Variants in L3MBTL4 observed in about 807,000 individuals in gnomAD.
L3MBTL4 encodes the protein L3MBTL histone methyl-lysine binding protein 4, also known as lethal(3)malignant brain tumor-like protein 4.
Under a neutral mutation model 84.5 loss-of-function variants are expected in L3MBTL4, and 70 were observed. That is an observed-to-expected ratio of 0.83 (90% CI 0.68 to 1.01). The LOEUF is 1.01. L3MBTL4 is among the 50% of genes least tolerant of loss of function. The pLI, the probability that L3MBTL4 is intolerant of heterozygous loss-of-function variation, is 0.00. For synonymous variants in L3MBTL4, 274 were observed against 259.8 expected (o/e 1.05, Z -0.52); for missense variants, 715 against 754.8 (o/e 0.95, Z 0.62).
chr18:6,275,503 T>G (rs1468549980), intron 4 of L3MBTL4, among the ~76,000 whole-genome samples: 1 of 151,540 alleles, frequency 6.6e-6, no homozygotes, highest in Non-Finnish European at 1.5e-5. Context: ...AGTGGGAGGG[T>G]TTGCCTCGGG....
chr18:6,383,918 G>A (rs1442235078), intron 1 of L3MBTL4, among the ~76,000 whole-genome samples: 1 of 152,170 alleles, frequency 6.6e-6, no homozygotes, highest in Non-Finnish European at 1.5e-5. Context: ...AGTTTTTAAA[G>A]ATATTACCAA....
rs34580980 is a variant in L3MBTL4, at chr18:6,038,251, CTTTTTT to C, written c.1444+42624_1444+42629del. 6.1e-5 allele frequency among the ~76,000 whole-genome samples: 6 copies of C among 97,850 alleles called. No homozygotes were observed. In the Admixed American group the frequency reaches 7.6e-4, roughly 12 times the overall value. 64.2% of individuals were successfully genotyped at this position (97,850 alleles called of 152,430 possible). On this transcript the variant is annotated intron_variant, in intron 16 of 18. Transcript: ENST00000317931. ...GGATACTAGAAATCCATTTCTGGAT[CTTTTTT>C]TTTTTTTTTTTTTTGAGACAGAGTC...
At chr18:6,387,957 A>G (rs551358867) in intron 1 of L3MBTL4, among the ~76,000 whole-genome samples, 116 of 152,344 alleles carry the variant, frequency 7.6e-4, no homozygotes, top group African/African-American at 2.6e-3. Context: ...AGAGGTATAG[A>G]CACACTATCT....
chr18:6,052,921 G>A (rs750936096), intron 16 of L3MBTL4, among the ~76,000 whole-genome samples: 12 of 152,228 alleles, frequency 7.9e-5, no homozygotes, highest in Non-Finnish European at 1.6e-4. Flanking sequence ...GTGCACACTT[G>A]TTGGCAAGGC....
intron 1 of L3MBTL4, among the ~76,000 whole-genome samples, chr18:6,405,329 T>C (rs73938425): frequency 1.3e-5 from 2 of 152,304 alleles, no homozygotes; most frequent in African/African-American, 2.4e-5. Context: ...ACATGGTCTC[T>C]GGAGGGAGCG....
chr18:6,183,203 G>A (rs1000760407), intron 12 of L3MBTL4, among the ~76,000 whole-genome samples: 1 of 152,212 alleles, frequency 6.6e-6, no homozygotes, highest in African/African-American at 2.4e-5. Flanking sequence ...AGGCATACCA[G>A]CCCTACTTGG....
At chr18:6,095,704 A>G (rs1157241042) in intron 14 of L3MBTL4, among the ~76,000 whole-genome samples, 2 of 152,158 alleles carry the variant, frequency 1.3e-5, no homozygotes, top group African/African-American at 4.8e-5. Flanking sequence ...AAACCATAGC[A>G]CAGTCCTTGT....
intron 16 of L3MBTL4, among the ~76,000 whole-genome samples, chr18:6,002,711 A>G (rs1389358299): frequency 6.6e-6 from 1 of 152,072 alleles, no homozygotes; most frequent in African/African-American, 2.4e-5. Context: ...GAACTGAAAA[A>G]GGAATTTCAA....
At chr18:6,269,645 T>A (rs949164689) in intron 4 of L3MBTL4, among the ~76,000 whole-genome samples, 3 of 152,198 alleles carry the variant, frequency 2.0e-5, no homozygotes, top group African/African-American at 4.8e-5. Context: ...TATCTAAATA[T>A]CCAACAATAG....
At chr18:6,035,828 C>T (rs933520821) in intron 16 of L3MBTL4, among the ~76,000 whole-genome samples, 17 of 152,008 alleles carry the variant, frequency 1.1e-4, no homozygotes, top group African/African-American at 3.6e-4. Flanking sequence ...TAAATGCCCA[C>T]AAGAGAAAGC....
intron 10 of L3MBTL4, among the ~76,000 whole-genome samples, chr18:6,218,584 T>C (rs2046421489): frequency 6.6e-6 from 1 of 152,156 alleles, no homozygotes; most frequent in Non-Finnish European, 1.5e-5. Context: ...CCCCTTTTTG[T>C]GAAAAACAGG....
intron 17 of L3MBTL4, among the ~76,000 whole-genome samples, chr18:5,968,468 T>C (rs1440745791): frequency 6.6e-6 from 1 of 151,966 alleles, no homozygotes; most frequent in Non-Finnish European, 1.5e-5. Context: ...GAGGCTGAGG[T>C]GGGAGAACCG....
At chr18:5,972,517 G>A (rs577724377) in intron 16 of L3MBTL4, among the ~76,000 whole-genome samples, 5 of 152,264 alleles carry the variant, frequency 3.3e-5, no homozygotes, top group Admixed American at 6.5e-5. Flanking sequence ...CTTTAACTGC[G>A]ATTTGCAAAC....
intron 12 of L3MBTL4, among the ~76,000 whole-genome samples, chr18:6,172,806 A>G (rs1487084327): frequency 6.6e-6 from 1 of 152,234 alleles, no homozygotes; most frequent in Admixed American, 6.5e-5. Context: ...TTTGAAAATC[A>G]TATTTGAATA....
intron 14 of L3MBTL4, among the ~76,000 whole-genome samples, chr18:6,114,320 C>T (rs9951861): frequency 0.3 from 45,930 of 152,016 alleles, 7,618 homozygotes; most frequent in East Asian, 0.57. Flanking sequence ...CCACAGTGAC[C>T]ATCACTTCCT....
chr18:6,195,121 G>C (rs1168893335), intron 12 of L3MBTL4, among the ~76,000 whole-genome samples: 1 of 152,204 alleles, frequency 6.6e-6, no homozygotes, highest in Admixed American at 6.5e-5. Context: ...AGGAGGTAAT[G>C]ATCATGGATG....
At chr18:6,308,516 A>G (rs1599575031) in intron 3 of L3MBTL4, among the ~76,000 whole-genome samples, 1 of 152,352 alleles carries the variant, frequency 6.6e-6, no homozygotes, top group East Asian at 1.9e-4. Context: ...ATTGTGTATA[A>G]CCATAAAAAT....
At chr18:6,331,270 C>T (rs1568504250) in intron 1 of L3MBTL4, among the ~76,000 whole-genome samples, 1 of 152,128 alleles carries the variant, frequency 6.6e-6, no homozygotes, top group Non-Finnish European at 1.5e-5. Context: ...CACTCACTGG[C>T]TTAGACAGTA....
intron 1 of L3MBTL4, among the ~76,000 whole-genome samples, chr18:6,348,160 G>GA (rs983042668): frequency 3.4e-4 from 51 of 150,268 alleles, no homozygotes; most frequent in African/African-American, 1.0e-3. Flanking sequence ...CAAAGTAAAT[G>GA]AAAAAAATAC....
Sources: allele counts gnomAD v4.1 joint callset (sites outside exome capture counted in the v4.1 genomes callset), GRCh38; gene constraint gnomAD v4.1.1; transcripts MANE v1.5; gene names NCBI Gene and HGNC (gene_info 2026-07-23, HGNC 2026-07-21).